Variants in TCERG1L observed in about 807,000 individuals in gnomAD.
TCERG1L encodes transcription elongation regulator 1-like protein.
In TCERG1L, 37 loss-of-function variants were observed where a neutral mutation model predicts 56.3. The ratio of observed to expected loss-of-function variants is 0.66; its 90% CI spans 0.51 to 0.87. The LOEUF (loss-of-function observed/expected upper bound fraction) is 0.87, where lower values mean the gene tolerates loss of function less well. Ranked by LOEUF, TCERG1L falls within the 40% of genes least tolerant of loss-of-function variation. TCERG1L has a pLI of 0.00. For missense variants in TCERG1L, 799 were observed against 774.2 expected, an observed-to-expected ratio of 1.03 and a Z score of -0.38; for synonymous variants, 324 against 326.3, an observed-to-expected ratio of 0.99 and a Z score of 0.08.
At chr10:131,146,358 G>C in intron 7 of TCERG1L, 148 bp downstream of exon 7, 1 of 906,310 alleles carries the variant, frequency 1.1e-6, no homozygotes, top group Non-Finnish European at 1.6e-6. Flanking sequence ...ATAAAAACTT[G>C]ATTACTAAAC....
chr10:131,258,191 C>T (rs1846194046), intron 4 of TCERG1L, among the ~76,000 whole-genome samples: 1 of 152,242 alleles, frequency 6.6e-6, no homozygotes, highest in African/African-American at 2.4e-5. Context: ...TGGGCATTCG[C>T]TGAGACTGCC....
chr10:131,239,715 G>A (rs931089317), intron 4 of TCERG1L, among the ~76,000 whole-genome samples: 10 of 152,338 alleles, frequency 6.6e-5, no homozygotes, highest in Middle Eastern at 3.4e-3. Flanking sequence ...GATTGCTTCC[G>A]GTGGTATGGA....
At chr10:131,153,107 T>C (rs188784552) in intron 6 of TCERG1L, among the ~76,000 whole-genome samples, 262 of 152,206 alleles carry the variant, frequency 1.7e-3, no homozygotes, top group African/African-American at 6.1e-3. Flanking sequence ...GGCATCAGTA[T>C]TAGTGGGTCC....
intron 4 of TCERG1L, among the ~76,000 whole-genome samples, chr10:131,253,026 G>A (rs993302187): frequency 3.3e-5 from 5 of 152,214 alleles, no homozygotes; most frequent in Non-Finnish European, 5.9e-5. Flanking sequence ...GATTGAGGCC[G>A]TAGCGCCTTC....
intron 3 of TCERG1L, among the ~76,000 whole-genome samples, chr10:131,283,991 T>G (rs1041368710): frequency 2.0e-5 from 3 of 151,782 alleles, no homozygotes; most frequent in African/African-American, 7.3e-5. Flanking sequence ...GGCATTGCAG[T>G]GGGCACCTGT....
intron 4 of TCERG1L, among the ~76,000 whole-genome samples, chr10:131,186,120 T>C (rs1589741160): frequency 6.6e-6 from 1 of 152,180 alleles, no homozygotes; most frequent in Non-Finnish European, 1.5e-5. Flanking sequence ...AGGTCACCTA[T>C]TGTGTGGTTC....
At chr10:131,270,629 G>C (rs1204709284) in intron 3 of TCERG1L, among the ~76,000 whole-genome samples, 1 of 152,256 alleles carries the variant, frequency 6.6e-6, no homozygotes, top group Non-Finnish European at 1.5e-5. Flanking sequence ...CCGCATGGCT[G>C]CTGCCGTTGC....
intron 4 of TCERG1L, among the ~76,000 whole-genome samples, chr10:131,183,794 CTCT>C (rs549763143): frequency 4.1e-4 from 63 of 152,342 alleles, no homozygotes; most frequent in African/African-American, 1.3e-3. Flanking sequence ...CTGTGCATTG[CTCT>C]TCTTCTTACA....
intron 3 of TCERG1L, among the ~76,000 whole-genome samples, chr10:131,269,311 C>T (rs1192200216): frequency 6.6e-6 from 1 of 152,102 alleles, no homozygotes; most frequent in Non-Finnish European, 1.5e-5. Context: ...CTCAGACTCC[C>T]GAGTAGCTGG....
At position 131,311,489 on chromosome 10, in the gene TCERG1L, CAGCCCGGCCG is replaced by C; in HGVS notation, c.137_146del (p.Ser46CysfsTer76). 1 of 1,195,338 alleles carries C rather than the reference CAGCCCGGCCG, an allele frequency of 8.4e-7. No homozygotes were observed. Among genetic ancestry groups the C allele is most frequent in the South Asian group, 3.4e-5 (1 of 29,238 alleles). 74.0% of individuals were successfully genotyped at this position (1,195,338 alleles called of 1,614,324 possible). ...CCACGACCCCCGCGCTGAGCCGGAGCAGCCCGGCCGAGCCCGGCACCATCCAGACCCAGGG... is the reference window on the plus strand; with the variant it reads ...CCACGACCCCCGCGCTGAGCCGGAGCAGCCCGGCACCATCCAGACCCAGGG... On this transcript the variant is annotated frameshift_variant, in exon 1 of 12. Transcript: ENST00000368642. LOFTEE classifies it high-confidence loss of function. The surrounding 1 kb of genome is among the most constrained non-coding windows in gnomAD (Gnocchi z 4.0).
chr10:131,106,718 G>A (rs1160923173), intron 9 of TCERG1L, among the ~76,000 whole-genome samples: 4 of 152,164 alleles, frequency 2.6e-5, no homozygotes, highest in Non-Finnish European at 5.9e-5. Context: ...CCTGGGCAGG[G>A]TCAGGGAGGG....
intron 8 of TCERG1L, among the ~76,000 whole-genome samples, chr10:131,122,284 C>T (rs1222546152): frequency 2.6e-5 from 4 of 152,142 alleles, no homozygotes; most frequent in Non-Finnish European, 5.9e-5. Flanking sequence ...ACTAATGAGG[C>T]CACTCACTGG....
chr10:131,219,669 G>A (rs769209454), intron 4 of TCERG1L, among the ~76,000 whole-genome samples: 3 of 152,196 alleles, frequency 2.0e-5, no homozygotes, highest in African/African-American at 4.8e-5. Flanking sequence ...CTTCCCTTCC[G>A]ATGCTCTGAG....
intron 4 of TCERG1L, among the ~76,000 whole-genome samples, chr10:131,170,539 C>T (rs191124633): frequency 6.6e-6 from 1 of 152,076 alleles, no homozygotes; most frequent in East Asian, 1.9e-4. Flanking sequence ...CAGTGCCCTT[C>T]AATGTAATTT....
Position 131,260,549 on chromosome 10 carries a change from G to A in TCERG1L, c.671-105C>T. On this transcript the variant is annotated intron_variant, in intron 3 of 11. Transcript: ENST00000368642. This position sits in a 1 kb window ranked among gnomAD's most constrained non-coding sequence, Gnocchi z 5.8. ...ATATCAGCCCCCAGAAAACAGGTGAGGGGGGCGCTACCCCTCTTTAATGGA... is the reference window on the plus strand; with the variant it reads ...ATATCAGCCCCCAGAAAACAGGTGAAGGGGGCGCTACCCCTCTTTAATGGA... The A allele has an allele frequency of 7.8e-7, 1 of 1,274,586 alleles. No individual in the cohort carries two copies. Among genetic ancestry groups the A allele is most frequent in the Non-Finnish European group, 1.0e-6 (1 of 1,003,994 alleles). 79.0% of individuals were successfully genotyped at this position (1,274,586 alleles called of 1,614,324 possible).
intron 10 of TCERG1L, among the ~76,000 whole-genome samples, chr10:131,101,273 A>G (rs976169229): frequency 6.6e-6 from 1 of 152,236 alleles, no homozygotes; most frequent in African/African-American, 2.4e-5. Flanking sequence ...TGCCCTGCCC[A>G]TGAACCACGT....
At chr10:131,221,929 G>C (rs2133499299) in intron 4 of TCERG1L, among the ~76,000 whole-genome samples, 1 of 152,354 alleles carries the variant, frequency 6.6e-6, no homozygotes, top group East Asian at 1.9e-4. Context: ...CTAGGTGATG[G>C]ACGAGGCAGA....
At chr10:131,308,426 C>A (rs1436160938) in intron 2 of TCERG1L, 35 bp from the exon 3 acceptor site, 1 of 1,579,302 alleles carries the variant, frequency 6.3e-7, no homozygotes, top group Admixed American at 1.7e-5. Flanking sequence ...ACACTGAAGG[C>A]AAGGTGCATG....
intron 9 of TCERG1L, among the ~76,000 whole-genome samples, chr10:131,111,511 C>T (rs922823457): frequency 2.8e-5 from 4 of 142,862 alleles, no homozygotes; most frequent in Non-Finnish European, 3.2e-5. Flanking sequence ...CATAATAGAC[C>T]GGGAGCATGA....
Sources: allele counts gnomAD v4.1 joint callset (sites outside exome capture counted in the v4.1 genomes callset), GRCh38; gene constraint gnomAD v4.1.1; non-coding constraint Gnocchi (gnomAD v3.1); transcripts MANE v1.5; gene names NCBI Gene and HGNC (gene_info 2026-07-23, HGNC 2026-07-21).